LRP2BP: variants seen among roughly 807,000 people sequenced by gnomAD.
LRP2BP encodes the protein LRP2 binding protein, also known as LRP2-binding protein.
In LRP2BP, 38 loss-of-function variants were observed where a neutral mutation model predicts 45.2. The observed-to-expected ratio is 0.84, with a 90% CI of 0.65 to 1.10. LRP2BP has a LOEUF of 1.10. Ranked by LOEUF, LRP2BP falls within the 50% of genes least tolerant of loss-of-function variation. The probability of loss-of-function intolerance (pLI) is 0.00; values close to 1 mark genes in which losing one functional copy is unlikely to be tolerated. For missense variants in LRP2BP, 385 were observed against 418.9 expected (o/e 0.92, Z 0.71); for synonymous variants, 153 against 153.9 (o/e 0.99, Z 0.04).
At chr4:185,368,240 C>T (rs976710266) in intron 8 of LRP2BP, among the ~76,000 whole-genome samples, 1 of 152,180 alleles carries the variant, frequency 6.6e-6, no homozygotes, top group East Asian at 1.9e-4. Flanking sequence ...CCAGAATCCT[C>T]GAAGGGTCCT....
chr4:185,384,372 T>C lies in LRP2BP; in HGVS notation c.-21-6165A>G, dbSNP rs1456564835. 3.3e-5 allele frequency among the ~76,000 whole-genome samples: 5 copies of C among 152,142 alleles called. No individual in the cohort carries two copies. In the East Asian group the frequency reaches 9.6e-4, roughly 29 times the overall value. On this transcript the variant is annotated intron_variant, in intron 1 of 8. Transcript: ENST00000505916. ...ATTACCCAACTAAGGAATTTTGTTA[T>C]AGAAGGAGGAACAGACTAAAACACC... is the stretch of plus-strand genomic sequence containing the variant.
chr4:185,396,754 G>C, upstream of LRP2BP: 4 of 695,496 alleles, frequency 5.8e-6, no homozygotes, highest in South Asian at 5.0e-5. Context: ...TAGGCTGCTC[G>C]GGCGTAACCG....
intron 1 of LRP2BP, chr4:185,390,876 C>T (rs2095486614): frequency 6.6e-6 from 1 of 152,176 alleles, no homozygotes; most frequent in Non-Finnish European, 1.5e-5. Flanking sequence ...CCTCAGTGTC[C>T]CCCACTGTTA....
At chr4:185,385,141 A>G (rs1278074270) in intron 1 of LRP2BP, among the ~76,000 whole-genome samples, 2 of 152,156 alleles carry the variant, frequency 1.3e-5, no homozygotes, top group East Asian at 1.9e-4. Context: ...TCTGTGATCA[A>G]ATAAAACAGG....
chr4:185,374,222 T>G lies in LRP2BP; in HGVS notation c.492A>C (p.Ala164=). ...EEAERLWLIA[A]DNGNPKASVK... Reference sequence around the variant, plus strand: ...CACTAGCTTTGGGATTTCCATTGTCTGCTGCGATAAGCCACAGTCTACAAG... The same window carrying G: ...CACTAGCTTTGGGATTTCCATTGTCGGCTGCGATAAGCCACAGTCTACAAG... The change falls in exon 6 of 9, where the codon GCA becomes GCC. Residue 164 remains alanine, a synonymous_variant. Transcript: ENST00000505916. 6.2e-7 allele frequency: 1 copy of G among 1,614,220 alleles called. No individual in the cohort carries two copies. Among genetic ancestry groups the G allele is most frequent in the South Asian group, 1.1e-5 (1 of 91,080 alleles).
chr4:185,393,044 C>T (rs1458331907), intron 1 of LRP2BP, among the ~76,000 whole-genome samples: 1 of 152,178 alleles, frequency 6.6e-6, no homozygotes, highest in African/African-American at 2.4e-5. Context: ...AGTGATTCTC[C>T]CACCTCAGCC....
At chr4:185,395,937 T>C (rs1007103044), upstream of LRP2BP, 1 of 982,176 alleles carries the variant, frequency 1.0e-6, no homozygotes, top group Non-Finnish European at 1.2e-6. Flanking sequence ...GGAGCAGCTC[T>C]GACGTCAGTA....
chr4:185,371,373 A>C (rs1170234637), intron 7 of LRP2BP, among the ~76,000 whole-genome samples: 2 of 151,756 alleles, frequency 1.3e-5, no homozygotes, highest in Admixed American at 1.3e-4. Context: ...CCCCGTCTCT[A>C]CTAAAAAAGA....
chr4:185,388,533 T>A (rs1230965265), intron 1 of LRP2BP, among the ~76,000 whole-genome samples: 1 of 136,784 alleles, frequency 7.3e-6, no homozygotes, highest in African/African-American at 3.0e-5. Context: ...TACCTATCTA[T>A]CTATCTAGGA....
intron 1 of LRP2BP, 115 bp from the exon 2 acceptor site, chr4:185,378,322 A>C (rs1386430689): frequency 1.4e-6 from 2 of 1,460,194 alleles, no homozygotes; most frequent in Admixed American, 5.5e-5. Flanking sequence ...CTCATCGCCT[A>C]GATAGAACAC....
upstream of LRP2BP, chr4:185,397,258 TTTC>T: frequency 1.2e-6 from 2 of 1,614,094 alleles, no homozygotes; most frequent in Non-Finnish European, 1.7e-6. Flanking sequence ...CCTTGCTTGC[TTTC>T]TTCTCTGGCA....
upstream of LRP2BP, chr4:185,396,928 T>C (rs532006092): frequency 5.6e-6 from 9 of 1,613,720 alleles, no homozygotes; most frequent in East Asian, 2.0e-4. Flanking sequence ...CGGGAAATGC[T>C]GTTGCTGGAT....
At chr4:185,396,904 T>C, upstream of LRP2BP, 1 of 1,613,216 alleles carries the variant, frequency 6.2e-7, no homozygotes, top group Non-Finnish European at 8.5e-7. Flanking sequence ...AGGACTCTTG[T>C]CATCTGCCTT....
intron 1 of LRP2BP, among the ~76,000 whole-genome samples, chr4:185,387,924 CCTCT>C (rs1178056912): frequency 4.6e-5 from 7 of 152,322 alleles, no homozygotes; most frequent in Middle Eastern, 3.4e-3. Context: ...ATGATTCCTC[CCTCT>C]CTAACTCCTT....
chr4:185,388,586 TTTC>T (rs2095478951), intron 1 of LRP2BP, among the ~76,000 whole-genome samples: 1 of 152,212 alleles, frequency 6.6e-6, no homozygotes, highest in African/African-American at 2.4e-5. Flanking sequence ...CCTTAAGCTT[TTTC>T]TTCTTCTACC....
chr4:185,366,482 T>C lies in LRP2BP; in HGVS notation c.*698A>G, dbSNP rs1050378716. The stretch of plus-strand genomic sequence containing the variant: ...GGGAAGATTTGGAGGGGCAAGATTC[T>C]AAAGCAATGTCTTATAACCCACTTT... On this transcript the variant is annotated 3_prime_UTR_variant, in exon 9 of 9. Coordinates refer to ENST00000505916, the MANE Select transcript of LRP2BP (RefSeq NM_001377440.1). 4 of 152,248 alleles carry C rather than the reference T, an allele frequency of 2.6e-5. No homozygotes were observed. The highest frequency in any genetic ancestry group is 5.9e-5 in the Non-Finnish European group (4 of 68,034). The allele number at this position is 152,248 out of a possible 1,614,324, so 9.4% of individuals were successfully genotyped here.
rs757107049 is a variant in LRP2BP, at chr4:185,367,178, G to T, written c.*2C>A. On this transcript the variant is annotated 3_prime_UTR_variant, in exon 9 of 9. Coordinates refer to ENST00000505916, the MANE Select transcript of LRP2BP (RefSeq NM_001377440.1). The stretch of plus-strand genomic sequence containing the variant: ...ATGATCTTTGTTGAAATACATTGTG[G>T]TCTAAATTCTTTGACGAATAAGTAA... 1.2e-5 allele frequency: 20 copies of T among 1,610,470 alleles called. No individual in the cohort carries two copies. The highest frequency in any genetic ancestry group is 1.5e-5 in the Non-Finnish European group (18 of 1,177,390).
chr4:185,392,309 A>T (rs1221069759), intron 1 of LRP2BP, among the ~76,000 whole-genome samples: 1 of 152,250 alleles, frequency 6.6e-6, no homozygotes, highest in Non-Finnish European at 1.5e-5. Flanking sequence ...TTCTGATTAC[A>T]GGCTCTCAGG....
At chr4:185,379,812 T>TTCTCTCTCTCTCTC (rs34458591) in intron 1 of LRP2BP, among the ~76,000 whole-genome samples, 13 of 149,816 alleles carry the variant, frequency 8.7e-5, no homozygotes, top group South Asian at 2.1e-4. Flanking sequence ...ACCTGCGCAC[T>TTCTCTCTCTCTCTC]TCTCTCTCTC....
Sources: gnomAD v4.1 joint callset for allele counts (sites outside exome capture counted in the v4.1 genomes callset) on GRCh38, gnomAD v4.1.1 for gene constraint, MANE v1.5 for transcripts, NCBI Gene and HGNC (gene_info 2026-07-23, HGNC 2026-07-21) for gene names.